The following SH3GLB2 variants were observed in gnomAD, a reference collection of about 807,000 sequenced individuals.
SH3GLB2 encodes endophilin-B2.
A neutral mutation model predicts 48.0 loss-of-function variants in SH3GLB2; 24 were observed. The ratio of observed to expected loss-of-function variants is 0.50; its 90% confidence interval spans 0.36 to 0.70. The LOEUF (loss-of-function observed/expected upper bound fraction) is 0.70, where lower values mean the gene tolerates loss of function less well. Among genes scored for constraint, SH3GLB2 ranks in the 30% least tolerant of loss-of-function variants. SH3GLB2 has a pLI of 0.00. For missense variants in SH3GLB2, 425 were observed against 516.0 expected, an observed-to-expected ratio of 0.82 and a Z score of 1.71; for synonymous variants, 227 against 207.6, an observed-to-expected ratio of 1.09 and a Z score of -0.80.
At position 129,028,176 on chromosome 9, in the gene SH3GLB2, C is replaced by T. The variant is rs1201400154; in HGVS notation, c.-22G>A. 2 of 1,410,170 alleles carry T rather than the reference C, an allele frequency of 1.4e-6. No individual in the cohort carries two copies. Among genetic ancestry groups the T allele is most frequent in the South Asian group, 1.4e-5 (1 of 72,268 alleles). 87.4% of individuals were successfully genotyped at this position (1,410,170 alleles called of 1,614,324 possible). The stretch of plus-strand genomic sequence containing the variant: ...CCATGGCGTGCCCGCACGGCCGCCG[C>T]GCACGGCCCGAGCGCAGCCGGCAGC... On this transcript the variant is annotated 5_prime_UTR_variant, in exon 1 of 11. Coordinates refer to ENST00000372564, the MANE Select transcript of SH3GLB2 (RefSeq NM_020145.4).
In SH3GLB2 at chr9:129,014,442, T is replaced by C. The variant is rs1407706978; in HGVS notation, c.530A>G (p.Lys177Arg). Residue 177 changes from lysine to arginine, a missense_variant, in exon 5 of 11, where the codon AAG becomes AGG. Transcript: ENST00000372564. This position sits in a 1 kb window ranked among gnomAD's most constrained non-coding sequence, Gnocchi z 4.1. ...TTTGGCTTCTGCAGCCTTGGCCTTCTTCAGCCTCGCTTTGCAGGCATCCAA... is the reference window on the plus strand; with the variant it reads ...TTTGGCTTCTGCAGCCTTGGCCTTCCTCAGCCTCGCTTTGCAGGCATCCAA... ...LDLDACKARL[K>R]KAKAAEAKAT... 2 of 1,550,514 alleles carry C rather than the reference T, an allele frequency of 1.3e-6. No individual in the cohort carries two copies. Among genetic ancestry groups the C allele is most frequent in the Non-Finnish European group, 1.7e-6 (2 of 1,147,084 alleles).
chr9:129,023,628 G>A (rs1328545709), intron 1 of SH3GLB2, among the ~76,000 whole-genome samples: 1 of 152,208 alleles, frequency 6.6e-6, no homozygotes, highest in Non-Finnish European at 1.5e-5. Context: ...GGGCCACGCA[G>A]GAGTCGGTCA....
intron 10 of SH3GLB2, 55 bp downstream of exon 10, chr9:129,009,051 C>G: frequency 6.3e-7 from 1 of 1,597,938 alleles, no homozygotes; most frequent in Non-Finnish European, 8.5e-7. Flanking sequence ...ATCCCAGTGC[C>G]CAGGCTGCTC....
At chr9:129,023,422 A>G (rs1843944242) in intron 1 of SH3GLB2, among the ~76,000 whole-genome samples, 1 of 152,208 alleles carries the variant, frequency 6.6e-6, no homozygotes, top group Non-Finnish European at 1.5e-5. Context: ...GGGGACACCA[A>G]GGCCTTCTCT....
chr9:129,008,367 G>A lies in SH3GLB2; in HGVS notation c.*317C>T. The A allele has an allele frequency of 3.0e-6, 1 of 329,108 alleles. No individual in the cohort carries two copies. Among genetic ancestry groups the A allele is most frequent in the Non-Finnish European group, 5.9e-6 (1 of 169,080 alleles). The allele number at this position is 329,108 out of a possible 1,614,324, so 20.4% of individuals were successfully genotyped here. ...GGGCTTCCTGAGCCCATCTGCGGCG[G>A]CCCCACCCTGGCCTAGGTGCTGAGT... On this transcript the variant is annotated 3_prime_UTR_variant, in exon 11 of 11. Transcript: ENST00000372564.
chr9:129,025,425 G>A (rs1304804419), intron 1 of SH3GLB2, among the ~76,000 whole-genome samples: 1 of 151,404 alleles, frequency 6.6e-6, no homozygotes, highest in Non-Finnish European at 1.5e-5. Context: ...AATTAGCCAG[G>A]AGTGGTGGCA....
At chr9:129,017,899 A>AAATAATAATAATACTAACATAGCACG in intron 3 of SH3GLB2, among the ~76,000 whole-genome samples, 1 of 149,354 alleles carries the variant, frequency 6.7e-6, no homozygotes, top group South Asian at 2.1e-4. Flanking sequence ...TTCCGTCTCA[A>AAATAATAATAATACTAACATAGCACG]ACAAAAAAAA....
In SH3GLB2 at chr9:129,028,254, C is replaced by T; in HGVS notation, c.-100G>A. 4 of 754,386 alleles carry T rather than the reference C, an allele frequency of 5.3e-6. No homozygotes were observed. The highest frequency in any genetic ancestry group is 6.5e-6 in the Non-Finnish European group (4 of 615,228). 46.7% of individuals were successfully genotyped at this position (754,386 alleles called of 1,614,324 possible). On this transcript the variant is annotated 5_prime_UTR_variant, in exon 1 of 11. The change creates a new upstream start codon in the 5' untranslated region. Coordinates refer to ENST00000372564, the MANE Select transcript of SH3GLB2 (RefSeq NM_020145.4). The stretch of plus-strand genomic sequence containing the variant: ...CACCCCGCCCACCTGCTGCGGGGCA[C>T]CAGCCCTCCGCGCACCCGCCTGCCG...
In SH3GLB2 at chr9:129,011,494, G is replaced by A. The variant is rs532945160; in HGVS notation, c.624+742C>T. 1.3e-5 allele frequency: 2 copies of A among 152,428 alleles called. No homozygotes were observed. The highest frequency in any genetic ancestry group is 4.1e-4 in the South Asian group (2 of 4,826). 9.4% of individuals were successfully genotyped at this position (152,428 alleles called of 1,614,324 possible). ...GAGGCAGCATGCTCACGAGAGAGGT[G>A]AGGGTCTCACCTCCAGGGGCGGGAA... On this transcript the variant is annotated intron_variant, in intron 6 of 10. Transcript: ENST00000372564. This position sits in a 1 kb window ranked among gnomAD's most constrained non-coding sequence, Gnocchi z 4.5.
chr9:129,020,786 C>T (rs1323012212), intron 3 of SH3GLB2, among the ~76,000 whole-genome samples: 2 of 151,750 alleles, frequency 1.3e-5, no homozygotes, highest in Non-Finnish European at 2.9e-5. Context: ...AGGAGAACGG[C>T]GGGAACCCAG....
At chr9:129,018,506 G>A (rs1843582352) in intron 3 of SH3GLB2, among the ~76,000 whole-genome samples, 4 of 151,580 alleles carry the variant, frequency 2.6e-5, no homozygotes, top group Admixed American at 2.6e-4. Context: ...GAACCCAGGA[G>A]GCGGAGGTTG....
At chr9:129,025,610 G>GAA (rs1391442885) in intron 1 of SH3GLB2, among the ~76,000 whole-genome samples, 3 of 149,146 alleles carry the variant, frequency 2.0e-5, no homozygotes. Context: ...AGGGACTAAG[G>GAA]GAGGAAGGAA....
chr9:129,009,677 T>C, intron 9 of SH3GLB2, 94 bp downstream of exon 9: 3 of 1,404,272 alleles, frequency 2.1e-6, no homozygotes, highest in Non-Finnish European at 2.9e-6. Context: ...CCCAGCTTTG[T>C]GTCACAGGAC....
intron 7 of SH3GLB2, 89 bp from the exon 8 acceptor site, chr9:129,010,298 GTCCCTT>G: frequency 9.0e-7 from 1 of 1,116,230 alleles, no homozygotes; most frequent in Admixed American, 1.9e-5. Flanking sequence ...GGAGCCGCCT[GTCCCTT>G]TCCCCTGGGA....
Position 129,008,657 on chromosome 9 carries a change from G to T in SH3GLB2, c.*27C>A. The T allele has an allele frequency of 6.3e-7, 1 of 1,575,546 alleles. No homozygotes were observed. Among genetic ancestry groups the T allele is most frequent in the Non-Finnish European group, 8.7e-7 (1 of 1,145,146 alleles). ...CGCCCATCCTCTCCTGCCTAGGCCAGAATGCGGGGGGGATGGGGGCACCTG... is the reference window on the plus strand; with the variant it reads ...CGCCCATCCTCTCCTGCCTAGGCCATAATGCGGGGGGGATGGGGGCACCTG... On this transcript the variant is annotated 3_prime_UTR_variant, in exon 11 of 11. Coordinates refer to ENST00000372564, the MANE Select transcript of SH3GLB2 (RefSeq NM_020145.4).
At position 129,017,683 on chromosome 9, in the gene SH3GLB2, G is replaced by A. The variant is rs1475024661; in HGVS notation, c.335-2779C>T. On this transcript the variant is annotated intron_variant, in intron 3 of 10. Coordinates refer to ENST00000372564, the MANE Select transcript of SH3GLB2 (RefSeq NM_020145.4). ...TGGGAGGCCAAGGTGGGTGGATCAC[G>A]AGGTCAGGAGATCGACTATCCTGGC... Among the ~76,000 whole-genome samples, 9 of 151,830 alleles carry A rather than the reference G, an allele frequency of 5.9e-5. No individual in the cohort carries two copies. In the East Asian group the frequency reaches 1.4e-3, roughly 23 times the overall value.
rs1842847694 is a variant in SH3GLB2 at position 129,007,735 on chromosome 9, T to C, written c.*949A>G. The C allele has an allele frequency of 6.6e-6, 1 of 152,202 alleles. No individual in the cohort carries two copies. Among genetic ancestry groups the C allele is most frequent in the South Asian group, 2.1e-4 (1 of 4,834 alleles). 9.4% of individuals were successfully genotyped at this position (152,202 alleles called of 1,614,324 possible). A position where few individuals can be genotyped will look rare whatever the true frequency, so the allele number is the denominator to read the frequency against. On this transcript the variant is annotated 3_prime_UTR_variant, in exon 11 of 11. Transcript: ENST00000372564. ...GCAGACAGCACTGACCGCTACCCAC[T>C]TCTTGTGCTTGAACTGAACTGTCAG...
rs1226181226 is a variant in SH3GLB2, at chr9:129,022,284, G to C, written c.203C>G (p.Pro68Arg). The C allele has an allele frequency of 6.2e-7, 1 of 1,613,576 alleles. No individual in the cohort carries two copies. ...CGGGCCCACGAACACGCACTCACTG[G>C]GGTTGGGCTGCAGCAGCACCTCTGT... ...RQTEVLLQPN[P>R]SARVEEFLYE... Residue 68 changes from proline (P) to arginine (R), a missense_variant and splice_region_variant, in exon 2 of 11, where the codon CCC becomes CGC. Pro to Arg is a moderately radical substitution (Grantham distance 103, BLOSUM62 -2). Coordinates refer to ENST00000372564, the MANE Select transcript of SH3GLB2 (RefSeq NM_020145.4).
Position 129,014,808 on chromosome 9 carries a change from A to T in SH3GLB2, c.431T>A (p.Leu144Ter). The T allele has an allele frequency of 6.2e-7, 1 of 1,613,464 alleles. No individual in the cohort carries two copies. The highest frequency in any genetic ancestry group is 1.7e-4 in the Middle Eastern group (1 of 6,008). Reference sequence around the variant, plus strand: ...CCAGTCCCCCTCCAGGAAGTTGCGCAAGGGTGTGAGGAAGCTGATGGAGGC... The same window carrying T: ...CCAGTCCCCCTCCAGGAAGTTGCGCTAGGGTGTGAGGAAGCTGATGGAGGC... ...HTASISFLTPLRNFLEGDWKT... is the reference protein window; with the variant it reads ...HTASISFLTP Residue 144 changes from leucine (L) to a stop codon, truncating the protein, a stop_gained, in exon 4 of 11, where the codon TTG becomes TAG. Transcript: ENST00000372564. LOFTEE classifies it high-confidence loss of function. The surrounding 1 kb of genome is among the most constrained non-coding windows in gnomAD (Gnocchi z 4.1).
Sources: allele counts gnomAD v4.1 joint callset (sites outside exome capture counted in the v4.1 genomes callset), GRCh38; gene constraint gnomAD v4.1.1; non-coding constraint Gnocchi (gnomAD v3.1); transcripts MANE v1.5; gene names NCBI Gene and HGNC (gene_info 2026-07-23, HGNC 2026-07-21).